The following PDE4D variants were observed in gnomAD, a reference collection of about 807,000 sequenced individuals.
PDE4D encodes the protein 3',5'-cyclic-AMP phosphodiesterase 4D.
In PDE4D, 24 loss-of-function variants were observed where a neutral mutation model predicts 87.4. That is an observed-to-expected ratio of 0.27 (90% CI 0.20 to 0.39). The LOEUF (loss-of-function observed/expected upper bound fraction) is 0.39, where lower values mean the gene tolerates loss of function less well. Among genes scored for constraint, PDE4D ranks in the 10% least tolerant of loss-of-function variants. PDE4D has a pLI of 1.00. For synonymous variants in PDE4D, 384 were observed against 383.2 expected (o/e 1.00, Z -0.02); for missense variants, 714 against 1,041.0 (o/e 0.69, Z 4.32).
chr5:60,134,884 T>G (rs1779903950), intron 2 of PDE4D, among the ~76,000 whole-genome samples: 1 of 152,160 alleles, frequency 6.6e-6, no homozygotes, highest in Non-Finnish European at 1.5e-5. Context: ...GAGAAGGCAT[T>G]CATAGGTGTA....
chr5:60,265,679 T>A (rs947590457), intron 1 of PDE4D, among the ~76,000 whole-genome samples: 1 of 152,176 alleles, frequency 6.6e-6, no homozygotes, highest in African/African-American at 2.4e-5. Flanking sequence ...AAAAACCCTT[T>A]TTCTGTTCCA....
intron 5 of PDE4D, among the ~76,000 whole-genome samples, chr5:59,156,804 A>G (rs939329633): frequency 2.0e-5 from 3 of 152,150 alleles, no homozygotes; most frequent in Non-Finnish European, 2.9e-5. Flanking sequence ...TTTACTAACC[A>G]TATTCTAGCT....
chr5:59,088,919 T>G (rs1211225267), intron 5 of PDE4D, among the ~76,000 whole-genome samples: 2 of 152,196 alleles, frequency 1.3e-5, no homozygotes, highest in African/African-American at 2.4e-5. Context: ...AATCTGTACA[T>G]GTACCCCTGA....
At chr5:60,399,670 C>A (rs1740868119) in intron 1 of PDE4D, among the ~76,000 whole-genome samples, 1 of 152,230 alleles carries the variant, frequency 6.6e-6, no homozygotes, top group Admixed American at 6.5e-5. Flanking sequence ...AGTTGCCAGG[C>A]CAGTAGGTCC....
chr5:60,294,154 G>A (rs1753169860), intron 1 of PDE4D, among the ~76,000 whole-genome samples: 1 of 152,080 alleles, frequency 6.6e-6, no homozygotes, highest in Non-Finnish European at 1.5e-5. Context: ...TTTCTTTGTG[G>A]TTGTAAATGC....
chr5:59,733,506 G>A (rs895721511), intron 1 of PDE4D, among the ~76,000 whole-genome samples: 3 of 152,064 alleles, frequency 2.0e-5, no homozygotes, highest in African/African-American at 7.2e-5. Context: ...AGAGAAGGAA[G>A]CTTGGAAAGT....
At chr5:59,091,290 C>A (rs1408069593) in intron 5 of PDE4D, among the ~76,000 whole-genome samples, 2 of 152,002 alleles carry the variant, frequency 1.3e-5, no homozygotes, top group African/African-American at 2.4e-5. Flanking sequence ...TATATTCCCC[C>A]ACAAAAATGT....
At chr5:59,746,591 C>T (rs1016760103) in intron 1 of PDE4D, among the ~76,000 whole-genome samples, 2 of 152,076 alleles carry the variant, frequency 1.3e-5, no homozygotes, top group Non-Finnish European at 2.9e-5. Context: ...CACCAGATGG[C>T]TCTGTAAATC....
chr5:59,700,308 C>A (rs1374745879), intron 1 of PDE4D, among the ~76,000 whole-genome samples: 1 of 152,086 alleles, frequency 6.6e-6, no homozygotes. Context: ...TACCAACAAC[C>A]CAACTTTGGC....
At chr5:60,105,737 C>G (rs1213248699) in intron 2 of PDE4D, among the ~76,000 whole-genome samples, 1 of 152,064 alleles carries the variant, frequency 6.6e-6, no homozygotes, top group Non-Finnish European at 1.5e-5. Context: ...AATTTTCAAC[C>G]CAGAATTTCA....
intron 1 of PDE4D, among the ~76,000 whole-genome samples, chr5:59,722,954 T>C (rs1310401369): frequency 1.3e-5 from 2 of 152,160 alleles, no homozygotes; most frequent in African/African-American, 4.8e-5. Context: ...GAATGCTTTC[T>C]GATTTTTTTA....
At chr5:60,185,519 A>G (rs941619294) in intron 2 of PDE4D, 11 of 1,358,202 alleles carry the variant, frequency 8.1e-6, no homozygotes, top group Non-Finnish European at 1.1e-5. Context: ...TTATATGTAC[A>G]TGTGTTTAGA....
chr5:59,693,658 A>G (rs952148203), intron 1 of PDE4D, among the ~76,000 whole-genome samples: 3 of 152,172 alleles, frequency 2.0e-5, no homozygotes, highest in Non-Finnish European at 4.4e-5. Context: ...GACCTGGGAG[A>G]GGATCCAAGG....
chr5:60,381,394 T>C (rs945989792), intron 1 of PDE4D, among the ~76,000 whole-genome samples: 2 of 152,234 alleles, frequency 1.3e-5, no homozygotes, highest in Non-Finnish European at 2.9e-5. Context: ...CCTGGACTTT[T>C]CCCCACATAT....
chr5:60,106,788 T>C (rs1309773901), intron 2 of PDE4D, among the ~76,000 whole-genome samples: 8 of 151,866 alleles, frequency 5.3e-5, no homozygotes, highest in African/African-American at 1.9e-4. Context: ...AAGGCAGAAA[T>C]AAAGATATTC....
intron 1 of PDE4D, among the ~76,000 whole-genome samples, chr5:60,337,260 G>A (rs914849383): frequency 2.1e-4 from 31 of 150,106 alleles, no homozygotes; most frequent in South Asian, 1.1e-3. Context: ...TTGAACCCGG[G>A]GGGTAGAGGT....
At chr5:59,352,609 T>C (rs1323548167) in intron 1 of PDE4D, among the ~76,000 whole-genome samples, 1 of 152,214 alleles carries the variant, frequency 6.6e-6, no homozygotes, top group Admixed American at 6.5e-5. Context: ...TCCCTGTTCA[T>C]ATCAGCTACT....
intron 2 of PDE4D, among the ~76,000 whole-genome samples, chr5:60,169,283 C>A (rs1429931683): frequency 6.6e-6 from 1 of 151,978 alleles, no homozygotes; most frequent in African/African-American, 2.4e-5. Flanking sequence ...AAGCAAAACA[C>A]AAAAATAAGG....
chr5:59,968,665 T>G, intron 3 of PDE4D, among the ~76,000 whole-genome samples: 1 of 129,148 alleles, frequency 7.7e-6, no homozygotes, highest in Non-Finnish European at 1.8e-5. Flanking sequence ...AAAATAATAG[T>G]GAAACCTAGA....
Sources: allele counts gnomAD v4.1 joint callset (sites outside exome capture counted in the v4.1 genomes callset), GRCh38; gene constraint gnomAD v4.1.1; transcripts MANE v1.5; gene names NCBI Gene and HGNC (gene_info 2026-07-23, HGNC 2026-07-21).